Variants in CCBE1 observed in about 807,000 individuals in gnomAD.
The protein encoded by CCBE1 is collagen and calcium binding EGF domains 1.
Under a neutral mutation model 50.0 loss-of-function variants are expected in CCBE1, and 37 were observed. That is an observed-to-expected ratio of 0.74 (90% confidence interval 0.57 to 0.97). CCBE1 has a LOEUF of 0.97. Ranked by LOEUF, CCBE1 falls within the 50% of genes least tolerant of loss-of-function variation. CCBE1 has a pLI of 0.00. For synonymous variants in CCBE1, 234 were observed against 203.7 expected (o/e 1.15, Z -1.27); for missense variants, 538 against 523.8 (o/e 1.03, Z -0.26).
At chr18:59,579,687 C>A (rs2053054839) in intron 2 of CCBE1, among the ~76,000 whole-genome samples, 1 of 152,222 alleles carries the variant, frequency 6.6e-6, no homozygotes, top group Admixed American at 6.5e-5. Context: ...CTGGAGCATG[C>A]CAACAGAACG....
intron 6 of CCBE1, 35 bp from the exon 7 acceptor site, chr18:59,448,138 A>C (rs753955623): frequency 1.4e-5 from 23 of 1,612,838 alleles, no homozygotes; most frequent in Non-Finnish European, 1.9e-5. Flanking sequence ...GTCAGGAAGC[A>C]ATGGCAGAAG....
chr18:59,597,516 A>C (rs2144551550), intron 2 of CCBE1, among the ~76,000 whole-genome samples: 1 of 152,306 alleles, frequency 6.6e-6, no homozygotes, highest in Admixed American at 6.5e-5. Flanking sequence ...GTATGACCCA[A>C]GGCTCATTGG....
Position 59,624,180 on chromosome 18 carries a change from G to A in CCBE1, c.212+72449C>T, listed in dbSNP as rs143466452. Reference sequence around the variant, plus strand: ...AGTGCTTTTCAACTCTAGCTGCCTCGTTCTTTGCTGCAAGGCCACAAGTCT... The same window carrying A: ...AGTGCTTTTCAACTCTAGCTGCCTCATTCTTTGCTGCAAGGCCACAAGTCT... On this transcript the variant is annotated intron_variant, in intron 2 of 10. Coordinates refer to ENST00000439986, the MANE Select transcript of CCBE1 (RefSeq NM_133459.4). 3.2e-3 allele frequency among the ~76,000 whole-genome samples: 482 copies of A among 152,330 alleles called. 3 individuals carry two copies. The highest frequency in any genetic ancestry group is 0.011 in the African/African-American group (460 of 41,572).
intron 2 of CCBE1, among the ~76,000 whole-genome samples, chr18:59,583,470 C>A (rs1450432516): frequency 6.6e-6 from 1 of 152,148 alleles, no homozygotes; most frequent in Non-Finnish European, 1.5e-5. Flanking sequence ...AAACTGTGCC[C>A]AAGTGAGAAG....
Position 59,492,910 on chromosome 18 carries a change from C to G in CCBE1, c.213-12672G>C, listed in dbSNP as rs146742962. ...ACCCTTGAAGTGTAAATGTCTAGAG[C>G]CTTCCTTGTAAATTACCCAATGTGA... On this transcript the variant is annotated intron_variant, in intron 2 of 10. Transcript: ENST00000439986. Among the ~76,000 whole-genome samples the G allele has an allele frequency of 1.8e-4, 28 of 152,276 alleles. No homozygotes were observed. The East Asian group carries it at 5.2e-3, about 28-fold the overall frequency.
chr18:59,663,107 CTAGGGA>C (rs143861660), intron 2 of CCBE1, among the ~76,000 whole-genome samples: 58,788 of 148,124 alleles, frequency 0.4, 12,019 homozygotes, highest in African/African-American at 0.56. Context: ...AGGCTTGGTG[CTAGGGA>C]TAGGGATAGG....
rs1330986797 is a variant in CCBE1 at position 59,433,755 on chromosome 18, C to G, written c.*2153G>C. On this transcript the variant is annotated 3_prime_UTR_variant, in exon 11 of 11. Transcript: ENST00000439986. ...GAGCAGCTGGGACCACAGGCGCCCA[C>G]CACCACGCCCGACTAATTTTTTGTG... 1 of 152,038 alleles carries G rather than the reference C, an allele frequency of 6.6e-6. No individual in the cohort carries two copies. Among genetic ancestry groups the G allele is most frequent in the East Asian group, 1.9e-4 (1 of 5,180 alleles). The allele number at this position is 152,038 out of a possible 1,614,324, so 9.4% of individuals were successfully genotyped here.
intron 2 of CCBE1, among the ~76,000 whole-genome samples, chr18:59,517,907 A>T (rs1914442358): frequency 6.6e-6 from 1 of 152,178 alleles, no homozygotes; most frequent in African/African-American, 2.4e-5. Context: ...CAAAAGAGGG[A>T]TCTGTCACAA....
chr18:59,672,499 C>A (rs1001111724), intron 2 of CCBE1, among the ~76,000 whole-genome samples: 1 of 152,194 alleles, frequency 6.6e-6, no homozygotes, highest in Admixed American at 6.5e-5. Flanking sequence ...GCCTAGACTA[C>A]TGATTGATGA....
chr18:59,490,805 T>A (rs1044678040), intron 2 of CCBE1, among the ~76,000 whole-genome samples: 1 of 152,234 alleles, frequency 6.6e-6, no homozygotes, highest in Non-Finnish European at 1.5e-5. Context: ...TTTTTTCACC[T>A]AAAATTACTG....
At chr18:59,635,708 A>T (rs547666634) in intron 2 of CCBE1, among the ~76,000 whole-genome samples, 1 of 152,282 alleles carries the variant, frequency 6.6e-6, no homozygotes, top group South Asian at 2.1e-4. Flanking sequence ...CTAACTTCTA[A>T]AAACTGTACA....
At chr18:59,514,070 C>A (rs969997590) in intron 2 of CCBE1, among the ~76,000 whole-genome samples, 1 of 152,228 alleles carries the variant, frequency 6.6e-6, no homozygotes, top group Non-Finnish European at 1.5e-5. Flanking sequence ...AATGAACCCT[C>A]ATATACACCA....
chr18:59,526,224 ATTT>A (rs376257087), intron 2 of CCBE1, among the ~76,000 whole-genome samples: 14 of 143,638 alleles, frequency 9.7e-5, no homozygotes, highest in African/African-American at 3.1e-4. Context: ...GATCTTGTTT[ATTT>A]TTTGTCTTCT....
At chr18:59,640,013 T>G (rs1293383563) in intron 2 of CCBE1, among the ~76,000 whole-genome samples, 1 of 152,108 alleles carries the variant, frequency 6.6e-6, no homozygotes, top group Non-Finnish European at 1.5e-5. Context: ...TGGAAAAACA[T>G]TCCATGCTCA....
intron 3 of CCBE1, among the ~76,000 whole-genome samples, chr18:59,475,750 T>C (rs35991160): frequency 0.022 from 3,276 of 152,134 alleles, 140 homozygotes; most frequent in East Asian, 0.2. Context: ...TGGAGTCTCG[T>C]TCTGTCACCC....
At chr18:59,663,816 T>C (rs2054317576) in intron 2 of CCBE1, among the ~76,000 whole-genome samples, 1 of 152,094 alleles carries the variant, frequency 6.6e-6, no homozygotes, top group African/African-American at 2.4e-5. Context: ...AATTACATTA[T>C]GAAAAGGCAG....
rs72962167 is a variant in CCBE1, at chr18:59,495,410, T to C, written c.213-15172A>G. Among the ~76,000 whole-genome samples, 1,065 of 144,904 alleles carry C rather than the reference T, an allele frequency of 7.3e-3. 8 individuals carry two copies. Among genetic ancestry groups the C allele is most frequent in the Non-Finnish European group, 0.01 (689 of 66,762 alleles). Reference sequence around the variant, plus strand: ...CAGGGCCTCTTTTTTTTTTTTTTTTTCCAGAGCGGGAAACAGAGGTTCAAA... The same window carrying C: ...CAGGGCCTCTTTTTTTTTTTTTTTTCCCAGAGCGGGAAACAGAGGTTCAAA... On this transcript the variant is annotated intron_variant, in intron 2 of 10. Coordinates refer to ENST00000439986, the MANE Select transcript of CCBE1 (RefSeq NM_133459.4).
intron 2 of CCBE1, among the ~76,000 whole-genome samples, chr18:59,594,896 GA>G (rs1407868901): frequency 6.6e-6 from 1 of 151,948 alleles, no homozygotes; most frequent in African/African-American, 2.4e-5. Flanking sequence ...GGTGGATCAC[GA>G]GGTCAAGAGA....
intron 2 of CCBE1, among the ~76,000 whole-genome samples, chr18:59,667,286 A>G (rs750299969): frequency 8.4e-4 from 128 of 152,232 alleles, no homozygotes; most frequent in Non-Finnish European, 1.5e-3. Flanking sequence ...TAAAAAATAA[A>G]TAAATAAAGT....
Sources: gnomAD v4.1 joint callset for allele counts (sites outside exome capture counted in the v4.1 genomes callset) on GRCh38, gnomAD v4.1.1 for gene constraint, MANE v1.5 for transcripts, NCBI Gene and HGNC (gene_info 2026-07-23, HGNC 2026-07-21) for gene names.